The following PCDH11X variants were observed in gnomAD, a reference collection of about 807,000 sequenced individuals.
PCDH11X encodes the protein protocadherin 11 X-linked, also known as protocadherin-11 X-linked.
A neutral mutation model predicts 53.3 loss-of-function variants in PCDH11X; 18 were observed. The ratio of observed to expected loss-of-function variants is 0.34; its 90% CI spans 0.23 to 0.50. The LOEUF is 0.50. Among genes scored for constraint, PCDH11X ranks in the 20% least tolerant of loss-of-function variants. The probability of loss-of-function intolerance (pLI) is 0.98; values close to 1 mark genes in which losing one functional copy is unlikely to be tolerated. For missense variants in PCDH11X, 570 were observed against 1,032.4 expected (o/e 0.55, Z 6.14); for synonymous variants, 279 against 393.3 (o/e 0.71, Z 3.44).
At chrX:92,389,337 T>A (rs2071076700) in intron 9 of PCDH11X, among the ~76,000 whole-genome samples, 1 of 111,850 alleles carries the variant, frequency 8.9e-6, no homozygotes, top group East Asian at 2.8e-4. Flanking sequence ...AAGAATATGA[T>A]CATAAGTAAC....
At chrX:92,048,377 T>C (rs2063322967) in intron 6 of PCDH11X, among the ~76,000 whole-genome samples, 1 of 111,094 alleles carries the variant, frequency 9.0e-6, no homozygotes. Flanking sequence ...TTGTAAGATA[T>C]GGCTCAAAGT....
At chrX:92,189,708 G>A (rs1210907301) in intron 6 of PCDH11X, among the ~76,000 whole-genome samples, 1 of 111,671 alleles carries the variant, frequency 9.0e-6, no homozygotes, top group Non-Finnish European at 1.9e-5. Context: ...CTTTTTCTGT[G>A]CAACCTCGCC....
chrX:92,198,100 A>T (rs755240696), intron 6 of PCDH11X, among the ~76,000 whole-genome samples: 1 of 109,595 alleles, frequency 9.1e-6, no homozygotes, highest in Non-Finnish European at 1.9e-5. Context: ...CCTGAAAACA[A>T]TCACAAAACC....
chrX:92,618,861 C>T lies in PCDH11X; in HGVS notation c.3965C>T (p.Pro1322Leu). The change falls in exon 11 of 11, where the codon CCT becomes CTT. Residue 1322 changes from proline (P) to leucine (L), a missense_variant. By Grantham distance (98) the Pro-to-Leu change is moderately conservative. Coordinates refer to ENST00000682573, the MANE Select transcript of PCDH11X (RefSeq NM_032968.5). ...HPSDDSIKVIPLTTFTPRQQA... is the reference protein window; with the variant it reads ...HPSDDSIKVILLTTFTPRQQA... ...AGTGATGATTCAATTAAAGTCATTC[C>T]TTTGACAACCTTCACTCCACGCCAA... 8.3e-7 allele frequency: 1 copy of T among 1,211,820 alleles called. No individual in the cohort carries two copies. Among genetic ancestry groups the T allele is most frequent in the African/African-American group, 1.7e-5 (1 of 57,861 alleles).
At chrX:91,825,262 C>T (rs2147596879) in intron 4 of PCDH11X, among the ~76,000 whole-genome samples, 1 of 110,280 alleles carries the variant, frequency 9.1e-6, no homozygotes, top group Non-Finnish European at 1.9e-5. Context: ...TGGCGGGTGC[C>T]CCTCCCCCAG....
At chrX:91,942,263 C>A (rs2061520338) in intron 6 of PCDH11X, among the ~76,000 whole-genome samples, 1 of 110,074 alleles carries the variant, frequency 9.1e-6, no homozygotes, top group Admixed American at 9.7e-5. Context: ...AATCAGTCAA[C>A]CCAAAGGTTC....
intron 8 of PCDH11X, among the ~76,000 whole-genome samples, chrX:92,279,712 T>C (rs1258510035): frequency 8.9e-6 from 1 of 112,680 alleles, no homozygotes; most frequent in Non-Finnish European, 1.9e-5. Flanking sequence ...TTACTTGGCC[T>C]ATGTATTAGT....
intron 10 of PCDH11X, among the ~76,000 whole-genome samples, chrX:92,484,142 T>C: frequency 2.5e-5 from 1 of 39,977 alleles, no homozygotes; most frequent in East Asian, 1.5e-3. Flanking sequence ...TATATGTATG[T>C]ATATATATGT....
intron 7 of PCDH11X, among the ~76,000 whole-genome samples, chrX:92,258,513 G>A (rs965110573): frequency 1.2e-4 from 13 of 109,452 alleles, no homozygotes; most frequent in Admixed American, 5.8e-4. Context: ...GACTACAGGC[G>A]CCCGCCACCA....
chrX:91,888,150 CT>C (rs757838874), intron 6 of PCDH11X, among the ~76,000 whole-genome samples: 2 of 111,616 alleles, frequency 1.8e-5, no homozygotes, highest in East Asian at 2.8e-4. Context: ...AATAATAAAA[CT>C]TTTTTGTCAA....
At chrX:92,018,416 A>T (rs2062831984) in intron 6 of PCDH11X, among the ~76,000 whole-genome samples, 2 of 112,165 alleles carry the variant, frequency 1.8e-5, no homozygotes, top group Admixed American at 1.9e-4. Context: ...ACAGTTTTTT[A>T]AAAATTGACC....
Position 91,878,566 on chromosome X carries a change from G to A in PCDH11X, c.2326G>A (p.Val776Met). The A allele has an allele frequency of 1.7e-6, 2 of 1,211,558 alleles. No homozygotes were observed. Among genetic ancestry groups the A allele is most frequent in the South Asian group, 1.8e-5 (1 of 56,983 alleles). Reference protein sequence around the residue: ...VIVNLFVNESVTNATLINELV... With the variant: ...VIVNLFVNESMTNATLINELV... ...TGTCAATCTGTTCGTGAATGAGTCG[G>A]TGACCAATGCTACACTGATTAATGA... is the stretch of plus-strand genomic sequence containing the variant. Residue 776 changes from valine to methionine, a missense_variant, in exon 6 of 11, where the codon GTG (valine) becomes ATG (methionine). Transcript: ENST00000682573.
intron 8 of PCDH11X, among the ~76,000 whole-genome samples, chrX:92,278,806 G>GTTTTT (rs35000823): frequency 1.1e-4 from 5 of 47,378 alleles, no homozygotes; most frequent in African/African-American, 2.8e-4. Flanking sequence ...TCTCTTTTCA[G>GTTTTT]TTTTTTTTTT....
intron 6 of PCDH11X, among the ~76,000 whole-genome samples, chrX:92,095,628 C>G (rs1430838823): frequency 9.0e-6 from 1 of 111,409 alleles, no homozygotes; most frequent in Non-Finnish European, 1.9e-5. Flanking sequence ...CTAATTCAGG[C>G]AGAAAGTCAG....
At chrX:92,376,268 A>G (rs1444781014) in intron 8 of PCDH11X, among the ~76,000 whole-genome samples, 1 of 112,064 alleles carries the variant, frequency 8.9e-6, no homozygotes, top group African/African-American at 3.2e-5. Context: ...TTTTATGACC[A>G]GTTTCCAACT....
At chrX:92,039,064 C>A (rs1304893138) in intron 6 of PCDH11X, among the ~76,000 whole-genome samples, 1 of 112,074 alleles carries the variant, frequency 8.9e-6, no homozygotes. Context: ...CTACTGTCAT[C>A]CATGGAGACT....
At chrX:92,331,372 T>C (rs6618971) in intron 8 of PCDH11X, among the ~76,000 whole-genome samples, 8 of 83,405 alleles carry the variant, frequency 9.6e-5, no homozygotes, top group African/African-American at 3.2e-4. Flanking sequence ...CCTCCTCCTT[T>C]TCCTCCTCCT....
At chrX:92,346,573 G>A (rs1292997045) in intron 8 of PCDH11X, among the ~76,000 whole-genome samples, 1 of 111,543 alleles carries the variant, frequency 9.0e-6, no homozygotes, top group Non-Finnish European at 1.9e-5. Flanking sequence ...CAAGCGACAC[G>A]TGGAATTATA....
At chrX:92,281,023 T>C (rs1000067525) in intron 8 of PCDH11X, among the ~76,000 whole-genome samples, 1 of 111,466 alleles carries the variant, frequency 9.0e-6, no homozygotes, top group Non-Finnish European at 1.9e-5. Context: ...TCCAACTAGC[T>C]GAATCTTAAG....
Sources: allele counts gnomAD v4.1 joint callset (sites outside exome capture counted in the v4.1 genomes callset), GRCh38; gene constraint gnomAD v4.1.1; transcripts MANE v1.5; gene names NCBI Gene and HGNC (gene_info 2026-07-23, HGNC 2026-07-21).